KXD1: variants seen among roughly 807,000 people sequenced by gnomAD.
KXD1 encodes the protein kxDL motif-containing protein 1.
A neutral mutation model predicts 12.1 loss-of-function variants in KXD1; 5 were observed. The ratio of observed to expected loss-of-function variants is 0.41; its 90% confidence interval spans 0.22 to 0.87. KXD1 has a LOEUF of 0.87. Ranked by LOEUF, KXD1 falls within the 40% of genes least tolerant of loss-of-function variation. The pLI is 0.31. For missense variants in KXD1, 193 were observed against 244.9 expected (o/e 0.79, Z 1.41); for synonymous variants, 98 against 100.5 (o/e 0.98, Z 0.15).
At position 18,557,883 on chromosome 19, in the gene KXD1, C is replaced by T. The variant is rs1361566614; in HGVS notation, c.-53C>T. On this transcript the variant is annotated 5_prime_UTR_variant, in exon 1 of 5. Coordinates refer to ENST00000222307, the MANE Select transcript of KXD1 (RefSeq NM_024069.4). Reference sequence around the variant, plus strand: ...CGTTTCGCCGGCGCGGGCGCCATCCCGGAAGCGCGAGCAAGGCCGCCAGAT... The same window carrying T: ...CGTTTCGCCGGCGCGGGCGCCATCCTGGAAGCGCGAGCAAGGCCGCCAGAT... 1 of 152,284 alleles carries T rather than the reference C, an allele frequency of 6.6e-6. No homozygotes were observed. Among genetic ancestry groups the T allele is most frequent in the Admixed American group, 6.5e-5 (1 of 15,286 alleles). The allele number at this position is 152,284 out of a possible 1,614,324, so 9.4% of individuals were successfully genotyped here.
Position 18,568,587 on chromosome 19 carries a change from A to G in KXD1, c.487A>G (p.Asn163Asp), listed in dbSNP as rs112476678. 6.2e-7 allele frequency: 1 copy of G among 1,613,134 alleles called. No individual in the cohort carries two copies. Among genetic ancestry groups the G allele is most frequent in the Non-Finnish European group, 8.5e-7 (1 of 1,180,006 alleles). ...TGTCCAGCCTGGCTCCCCAGCCATC[A>G]ACGGCCGCAGCCAGACAGATGACGA... is the stretch of plus-strand genomic sequence containing the variant. ...SHVQPGSPAI[N>D]GRSQTDDEEM... is the part of the protein sequence containing the mutation. The change falls in exon 5 of 5, where the codon AAC (asparagine) becomes GAC (aspartate). Residue 163 changes from asparagine to aspartate, a missense_variant. Asn to Asp is a conservative substitution (Grantham distance 23). Coordinates refer to ENST00000222307, the MANE Select transcript of KXD1 (RefSeq NM_024069.4).
In KXD1 at chr19:18,569,292, A is replaced by C. The variant is rs1399993171; in HGVS notation, c.*661A>C. On this transcript the variant is annotated 3_prime_UTR_variant, in exon 5 of 5. Transcript: ENST00000222307. ...AGCAAACGGAGCCACCTCGGGAAAG[A>C]GTTTAATGGAATATTTTTGTACCCG... 1 of 152,658 alleles carries C rather than the reference A, an allele frequency of 6.6e-6. No individual in the cohort carries two copies. Among genetic ancestry groups the C allele is most frequent in the Non-Finnish European group, 1.5e-5 (1 of 68,106 alleles). The allele number at this position is 152,658 out of a possible 1,614,324, so 9.5% of individuals were successfully genotyped here.
intron 2 of KXD1, among the ~76,000 whole-genome samples, chr19:18,564,335 G>T (rs12977772): frequency 0.14 from 21,028 of 152,002 alleles, 1,815 homozygotes; most frequent in Middle Eastern, 0.23. Flanking sequence ...AAAAGAGTCT[G>T]ATTGGGCCAG....
Position 18,562,132 on chromosome 19 carries a change from G to A in KXD1, c.76G>A (p.Ala26Thr), listed in dbSNP as rs548226037. The A allele has an allele frequency of 3.1e-6, 5 of 1,611,892 alleles. No individual in the cohort carries two copies. The highest frequency in any genetic ancestry group is 2.2e-5 in the East Asian group (1 of 44,784). The change falls in exon 2 of 5, where the codon GCC becomes ACC. Residue 26 changes from alanine to threonine, a missense_variant. Ala to Thr is a moderately conservative substitution (Grantham distance 58). Coordinates refer to ENST00000222307, the MANE Select transcript of KXD1 (RefSeq NM_024069.4). ...CATGGTGAACACAGATGATGTCAAC[G>A]CCATCATCCTGGCCCAGAAGAACAT... ...LSMVNTDDVN[A>T]IILAQKNMLD...
chr19:18,567,687 A>G (rs889537991), intron 4 of KXD1, among the ~76,000 whole-genome samples: 5 of 152,160 alleles, frequency 3.3e-5, no homozygotes, highest in African/African-American at 4.8e-5. Context: ...CTGGGGTACC[A>G]TTCCATGTTG....
chr19:18,561,933 C>A, intron 1 of KXD1, 103 bp from the exon 2 acceptor site: 1 of 651,460 alleles, frequency 1.5e-6, no homozygotes, highest in Non-Finnish European at 2.6e-6. Context: ...TAGGATACCA[C>A]CACGGTTGGG....
intron 1 of KXD1, chr19:18,560,672 A>G (rs1487317032): frequency 6.7e-6 from 1 of 149,698 alleles, no homozygotes; most frequent in Non-Finnish European, 1.5e-5. Flanking sequence ...TATGAGCCAG[A>G]CTCCGGGTCG....
At position 18,564,910 on chromosome 19, in the gene KXD1, T is replaced by G; in HGVS notation, c.143T>G (p.Phe48Cys). 6.2e-7 allele frequency: 1 copy of G among 1,613,810 alleles called. No individual in the cohort carries two copies. The highest frequency in any genetic ancestry group is 1.1e-5 in the South Asian group (1 of 91,086). ...AAGACCAATGAGATGCTGCTCAACT[T>G]CAACAACCTGTCCAGTGCCCGCCTG... ...FEKTNEMLLN[F>C]NNLSSARLQQ... Residue 48 changes from phenylalanine to cysteine, a missense_variant, in exon 3 of 5, where the codon TTC (phenylalanine) becomes TGC (cysteine). Phe to Cys is a radical substitution (Grantham distance 205, BLOSUM62 -2). Coordinates refer to ENST00000222307, the MANE Select transcript of KXD1 (RefSeq NM_024069.4).
intron 3 of KXD1, 170 bp downstream of exon 3, chr19:18,565,191 G>T: frequency 1.4e-6 from 2 of 1,393,072 alleles, no homozygotes; most frequent in South Asian, 1.7e-5. Flanking sequence ...AAATCTTGAC[G>T]TAAGTTTATT....
At chr19:18,568,317 C>A in intron 4 of KXD1, 85 bp from the exon 5 acceptor site, 1 of 982,044 alleles carries the variant, frequency 1.0e-6, no homozygotes, top group Non-Finnish European at 1.6e-6. Flanking sequence ...GTGAGGGCAG[C>A]CGTTAGGGGT....
At position 18,563,544 on chromosome 19, in the gene KXD1, G is replaced by A. The variant is rs146130063; in HGVS notation, c.102-1325G>A. 1.0e-3 allele frequency among the ~76,000 whole-genome samples: 154 copies of A among 151,594 alleles called. 1 individual carries two copies. The highest frequency in any genetic ancestry group is 4.0e-3 in the South Asian group (19 of 4,776). The stretch of plus-strand genomic sequence containing the variant: ...TTTTGTGACGGAGTCTCGCTCTCTC[G>A]CCAGGCTGGAGCACAGTGGCGCAAT... On this transcript the variant is annotated intron_variant, in intron 2 of 4. Transcript: ENST00000222307.
intron 1 of KXD1, chr19:18,558,975 C>CTTTTTTTTTTTTTTTTTTTTTTTTTTTTT (rs71336684): frequency 1.8e-5 from 1 of 55,566 alleles, no homozygotes; most frequent in African/African-American, 7.3e-5. Context: ...CTCCAGGTGT[C>CTTTTTTTTTTTTTTTTTTTTTTTTTTTTT]TTTTTTTTTT....
chr19:18,559,593 A>G (rs1341657847), intron 1 of KXD1: 1 of 152,172 alleles, frequency 6.6e-6, no homozygotes, highest in African/African-American at 2.4e-5. Context: ...GTCAGGCAGA[A>G]ATCAGCTGCT....
In KXD1 at chr19:18,568,542, G is replaced by C. The variant is rs377523014; in HGVS notation, c.442G>C (p.Gly148Arg). 6.2e-7 allele frequency: 1 copy of C among 1,613,900 alleles called. No homozygotes were observed. The highest frequency in any genetic ancestry group is 1.1e-5 in the South Asian group (1 of 91,082). ...PDTVSPSLSP[G>R]FEDLSHVQPG... ...CACCGTCTCGCCCTCCCTGAGCCCCGGCTTCGAGGACCTGTCCCATGTCCA... is the reference window on the plus strand; with the variant it reads ...CACCGTCTCGCCCTCCCTGAGCCCCCGCTTCGAGGACCTGTCCCATGTCCA... The change falls in exon 5 of 5, where the codon GGC becomes CGC. Residue 148 changes from glycine to arginine, a missense_variant. Coordinates refer to ENST00000222307, the MANE Select transcript of KXD1 (RefSeq NM_024069.4).
At chr19:18,559,863 C>G (rs549349157) in intron 1 of KXD1, 1 of 152,082 alleles carries the variant, frequency 6.6e-6, no homozygotes, top group East Asian at 1.9e-4. Context: ...AGCTCTGAAA[C>G]CCTTTCTTTC....
Position 18,562,133 on chromosome 19 carries a change from C to T in KXD1, c.77C>T (p.Ala26Val). ...ATGGTGAACACAGATGATGTCAACG[C>T]CATCATCCTGGCCCAGAAGAACATG... ...LSMVNTDDVN[A>V]IILAQKNMLD... Residue 26 changes from alanine (A) to valine (V), a missense_variant, in exon 2 of 5, where the codon GCC (alanine) becomes GTC (valine). By Grantham distance (64) the Ala-to-Val change is moderately conservative (BLOSUM62 0). Transcript: ENST00000222307. The T allele has an allele frequency of 6.2e-7, 1 of 1,611,760 alleles. No homozygotes were observed. The highest frequency in any genetic ancestry group is 8.5e-7 in the Non-Finnish European group (1 of 1,178,736).
chr19:18,562,084 G>A lies in KXD1; in HGVS notation c.28G>A (p.Val10Ile), dbSNP rs116562436. 4.3e-6 allele frequency: 7 copies of A among 1,613,468 alleles called. No individual in the cohort carries two copies. The Middle Eastern group carries it at 5.0e-4, about 114-fold the overall frequency. ...GGACCTCCCGGACTCGGCCTCGAGG[G>A]TCTTCTGCGGCCGCATCCTGAGCAT... MDLPDSASR[V>I]FCGRILSMVN... The change falls in exon 2 of 5, where the codon GTC becomes ATC. Residue 10 changes from valine to isoleucine, a missense_variant. By Grantham distance (29) the Val-to-Ile change is conservative. Coordinates refer to ENST00000222307, the MANE Select transcript of KXD1 (RefSeq NM_024069.4).
chr19:18,566,566 A>G (rs925186600), intron 3 of KXD1, among the ~76,000 whole-genome samples: 2 of 152,018 alleles, frequency 1.3e-5, no homozygotes, highest in African/African-American at 4.8e-5. Flanking sequence ...TGACGCAGGC[A>G]GATCACCTGA....
rs1975386894 is a variant in KXD1, at chr19:18,568,774, C to T, written c.*143C>T. 1.6e-6 allele frequency: 1 copy of T among 636,272 alleles called. No individual in the cohort carries two copies. Among genetic ancestry groups the T allele is most frequent in the Non-Finnish European group, 2.7e-6 (1 of 368,756 alleles). 39.4% of individuals were successfully genotyped at this position (636,272 alleles called of 1,614,324 possible). A position where few individuals can be genotyped will look rare whatever the true frequency, so the allele number is the denominator to read the frequency against. On this transcript the variant is annotated 3_prime_UTR_variant, in exon 5 of 5. Coordinates refer to ENST00000222307, the MANE Select transcript of KXD1 (RefSeq NM_024069.4). ...GCTCCTAGGGGGACAAGGCTCTCTC[C>T]CGAGGGGTGTGGAATTCCTGGGGGG... is the stretch of plus-strand genomic sequence containing the variant.
Sources: allele counts gnomAD v4.1 joint callset (sites outside exome capture counted in the v4.1 genomes callset), GRCh38; gene constraint gnomAD v4.1.1; transcripts MANE v1.5; gene names NCBI Gene and HGNC (gene_info 2026-07-23, HGNC 2026-07-21).